TMEM238: variants seen among roughly 807,000 people sequenced by gnomAD.
The protein encoded by TMEM238 is transmembrane protein 238.
For missense variants in TMEM238, 169 were observed against 206.8 expected (o/e 0.82, Z 1.12); for synonymous variants, 103 against 111.5 (o/e 0.92, Z 0.48).
At chr19:55,382,682 G>A (rs917261913) in intron 1 of TMEM238, among the ~76,000 whole-genome samples, 4 of 152,186 alleles carry the variant, frequency 2.6e-5, no homozygotes, top group Non-Finnish European at 5.9e-5. Flanking sequence ...AGGCCAGTGA[G>A]TGCTTCAGTT....
chr19:55,380,933 C>T (rs1406547117), intron 1 of TMEM238, among the ~76,000 whole-genome samples: 2 of 152,030 alleles, frequency 1.3e-5, no homozygotes, highest in African/African-American at 4.8e-5. Flanking sequence ...ACAGTAACTA[C>T]AGGTGCTTAT....
intron 1 of TMEM238, among the ~76,000 whole-genome samples, chr19:55,381,644 C>T (rs1018849396): frequency 4.6e-5 from 7 of 152,170 alleles, no homozygotes; most frequent in South Asian, 2.1e-4. Context: ...ATCCAGAGAG[C>T]GCACAGAGGC....
chr19:55,380,280 C>CCCTTGCCCG (rs1569036775), intron 1 of TMEM238, among the ~76,000 whole-genome samples: 1 of 74,922 alleles, frequency 1.3e-5, no homozygotes, highest in East Asian at 4.3e-4. Context: ...CTCCCCTCCC[C>CCCTTGCCCG]TCCCCTCCCC....
Position 55,384,200 on chromosome 19 carries a change from CGCGGACGGT to C in TMEM238, c.51_59del (p.Ser19_Pro21del). Reference sequence around the variant, plus strand: ...CCGCGGGTGCTGGCGCGGCCGCCGGCGCGGACGGTGCACCCGGCGGGCTCCCCTGCGAGG... The same window carrying C: ...CCGCGGGTGCTGGCGCGGCCGCCGGCGCACCCGGCGGGCTCCCCTGCGAGG... On this transcript the variant is annotated inframe_deletion, in exon 1 of 2. Transcript: ENST00000444469. This position sits in a 1 kb window ranked among gnomAD's most constrained non-coding sequence, Gnocchi z 5.6. 8.6e-7 allele frequency: 1 copy of C among 1,166,474 alleles called. No homozygotes were observed. The highest frequency in any genetic ancestry group is 1.1e-6 in the Non-Finnish European group (1 of 950,366). 72.3% of individuals were successfully genotyped at this position (1,166,474 alleles called of 1,614,324 possible). A position where few individuals can be genotyped will look rare whatever the true frequency, so the allele number is the denominator to read the frequency against.
At chr19:55,382,706 A>G (rs2089891243) in intron 1 of TMEM238, among the ~76,000 whole-genome samples, 1 of 152,194 alleles carries the variant, frequency 6.6e-6, no homozygotes, top group African/African-American at 2.4e-5. Context: ...CCAAAGGTGA[A>G]GAGGGAGCCA....
At chr19:55,382,457 G>A (rs1483488944) in intron 1 of TMEM238, among the ~76,000 whole-genome samples, 1 of 152,168 alleles carries the variant, frequency 6.6e-6, no homozygotes, top group Non-Finnish European at 1.5e-5. Context: ...GCAGCAAGAG[G>A]GGTCGCTCAG....
At position 55,381,184 on chromosome 19, in the gene TMEM238, C is replaced by T. The variant is rs60932320; in HGVS notation, c.*8-1817G>A. ...CTGTAATCCCAGCACTTTGGGTGGC[C>T]GAGGTGGGCGGATCACCCGAGATCG... On this transcript the variant is annotated intron_variant, in intron 1 of 1. Transcript: ENST00000444469. Among the ~76,000 whole-genome samples, 945 of 151,896 alleles carry T rather than the reference C, an allele frequency of 6.2e-3. 10 individuals are homozygous for T. Among genetic ancestry groups the T allele is most frequent in the African/African-American group, 0.02 (848 of 41,446 alleles).
intron 1 of TMEM238, among the ~76,000 whole-genome samples, chr19:55,379,832 C>G (rs1407070768): frequency 6.6e-6 from 1 of 152,066 alleles, no homozygotes; most frequent in Non-Finnish European, 1.5e-5. Flanking sequence ...GAGTTTGACA[C>G]CAGCCTGGGT....
intron 1 of TMEM238, among the ~76,000 whole-genome samples, chr19:55,380,671 C>T (rs141481594): frequency 0.11 from 15,959 of 151,114 alleles, 1,344 homozygotes; most frequent in African/African-American, 0.24. Context: ...GTGATCCACC[C>T]GCCTCGGCCT....
At chr19:55,381,537 A>G (rs1304644197) in intron 1 of TMEM238, among the ~76,000 whole-genome samples, 3 of 151,892 alleles carry the variant, frequency 2.0e-5, no homozygotes, top group Non-Finnish European at 4.4e-5. Context: ...TCACCCAACC[A>G]TCCATGTGCC....
In TMEM238 at chr19:55,383,969, C is replaced by A. The variant is rs1299550658; in HGVS notation, c.291G>T (p.Ser97=). ...ILWYTGNIEI[S]RQELERDYGL... is the part of the protein sequence containing the mutation. ...CGTAGTCGCGCTCCAGCTCCTGGCG[C>A]GAGATCTCGATGTTGCCGGTGTACC... The change falls in exon 1 of 2, where the codon TCG becomes TCT. Residue 97 remains serine (S), a synonymous_variant. Coordinates refer to ENST00000444469, the MANE Select transcript of TMEM238 (RefSeq NM_001190764.2). The surrounding 1 kb of genome is among the most constrained non-coding windows in gnomAD (Gnocchi z 4.9). The A allele has an allele frequency of 1.4e-6, 2 of 1,405,516 alleles. No individual in the cohort carries two copies. The highest frequency in any genetic ancestry group is 1.9e-6 in the Non-Finnish European group (2 of 1,069,588). The allele number at this position is 1,405,516 out of a possible 1,614,324, so 87.1% of individuals were successfully genotyped here.
At chr19:55,382,234 C>A (rs2123263813) in intron 1 of TMEM238, among the ~76,000 whole-genome samples, 2 of 152,236 alleles carry the variant, frequency 1.3e-5, no homozygotes, top group Middle Eastern at 3.4e-3. Flanking sequence ...ATCCATCCAT[C>A]CACCCATCCA....
Position 55,384,038 on chromosome 19 carries a change from C to G in TMEM238, c.222G>C (p.Ser74=), listed in dbSNP as rs1479795473. Residue 74 remains serine, a synonymous_variant, in exon 1 of 2, where the codon TCG becomes TCC. Transcript: ENST00000444469. This position sits in a 1 kb window ranked among gnomAD's most constrained non-coding sequence, Gnocchi z 5.6. The part of the protein sequence containing the change: ...GRDFGDLLIY[S]GALLVFLSLL... The stretch of plus-strand genomic sequence containing the variant: ...GGCTCAGGAACACCAGCAGCGCGCC[C>G]GAGTAGATGAGCAGGTCCCCGAAGT... 3.4e-6 allele frequency: 5 copies of G among 1,484,080 alleles called. No homozygotes were observed. Among genetic ancestry groups the G allele is most frequent in the East Asian group, 5.3e-5 (2 of 37,794 alleles). 91.9% of individuals were successfully genotyped at this position (1,484,080 alleles called of 1,614,324 possible).
Position 55,384,089 on chromosome 19 carries a change from G to T in TMEM238, c.171C>A (p.Phe57Leu). 6.8e-7 allele frequency: 1 copy of T among 1,470,488 alleles called. No homozygotes were observed. The highest frequency in any genetic ancestry group is 9.0e-7 in the Non-Finnish European group (1 of 1,107,822). 91.1% of individuals were successfully genotyped at this position (1,470,488 alleles called of 1,614,324 possible). ...AGMAALLTGV[F>L]AQLQVRGRDF... ...CGCGGCCGCGCACCTGCAGCTGCGC[G>T]AACACGCCGGTCAGCAGCGCCGCCA... is the stretch of plus-strand genomic sequence containing the variant. Residue 57 changes from phenylalanine (F) to leucine (L), a missense_variant, in exon 1 of 2, where the codon TTC (phenylalanine) becomes TTA (leucine). Coordinates refer to ENST00000444469, the MANE Select transcript of TMEM238 (RefSeq NM_001190764.2). The surrounding 1 kb of genome is among the most constrained non-coding windows in gnomAD (Gnocchi z 5.6).
At chr19:55,382,536 G>T (rs549579954) in intron 1 of TMEM238, among the ~76,000 whole-genome samples, 3 of 152,270 alleles carry the variant, frequency 2.0e-5, no homozygotes, top group Non-Finnish European at 4.4e-5. Context: ...AAGTTTTCTG[G>T]GTGGAGTGGA....
At chr19:55,380,271 T>C (rs1204162213) in intron 1 of TMEM238, among the ~76,000 whole-genome samples, 1 of 71,056 alleles carries the variant, frequency 1.4e-5, no homozygotes, top group East Asian at 4.6e-4. Flanking sequence ...TCTCCTCTCC[T>C]CCCCTCCCCT....
intron 1 of TMEM238, among the ~76,000 whole-genome samples, chr19:55,380,199 G>A (rs2089879315): frequency 1.3e-5 from 2 of 151,464 alleles, no homozygotes; most frequent in South Asian, 4.2e-4. Flanking sequence ...TGAGTCTTTG[G>A]TGGAGGCTCC....
intron 1 of TMEM238, among the ~76,000 whole-genome samples, chr19:55,379,692 G>C (rs1374764988): frequency 1.3e-5 from 2 of 152,160 alleles, no homozygotes; most frequent in Non-Finnish European, 1.5e-5. Flanking sequence ...CAGAGACACA[G>C]AGACAAAGAG....
In TMEM238 at chr19:55,383,046, G is replaced by C. The variant is rs2089892501; in HGVS notation, c.*7+676C>G. The stretch of plus-strand genomic sequence containing the variant: ...CCACTGCAGAATGGGGATGGTAATA[G>C]TAGTGACCTTGGAGACCAGTTACAT... On this transcript the variant is annotated intron_variant, in intron 1 of 1. Transcript: ENST00000444469. The surrounding 1 kb of genome is among the most constrained non-coding windows in gnomAD (Gnocchi z 4.9). 6.6e-6 allele frequency among the ~76,000 whole-genome samples: 1 copy of C among 152,266 alleles called. No individual in the cohort carries two copies. The highest frequency in any genetic ancestry group is 2.1e-4 in the South Asian group (1 of 4,836).
Sources: gnomAD v4.1 joint callset for allele counts (sites outside exome capture counted in the v4.1 genomes callset) on GRCh38, gnomAD v4.1.1 for gene constraint, Gnocchi (gnomAD v3.1) non-coding constraint, MANE v1.5 for transcripts, NCBI Gene and HGNC (gene_info 2026-07-23, HGNC 2026-07-21) for gene names.